Variants in ZMYM2 observed in about 807,000 individuals in gnomAD.
The protein encoded by ZMYM2 is zinc finger MYM-type protein 2.
Under a neutral mutation model 162.8 loss-of-function variants are expected in ZMYM2, and 56 were observed. That is an observed-to-expected ratio of 0.34 (90% CI 0.28 to 0.43). ZMYM2 has a LOEUF of 0.43. Among genes scored for constraint, ZMYM2 ranks in the 20% least tolerant of loss-of-function variants. The probability of loss-of-function intolerance (pLI) is 1.00; values close to 1 mark genes in which losing one functional copy is unlikely to be tolerated. For synonymous variants in ZMYM2, 510 were observed against 541.6 expected, an observed-to-expected ratio of 0.94 and a Z score of 0.81; for missense variants, 1,275 against 1,621.8, an observed-to-expected ratio of 0.79 and a Z score of 3.67.
chr13:19,978,862 C>G (rs1957032954), intron 2 of ZMYM2, among the ~76,000 whole-genome samples: 1 of 152,128 alleles, frequency 6.6e-6, no homozygotes, highest in African/African-American at 2.4e-5. Flanking sequence ...TTGAGTTACT[C>G]TTCAGTGTTT....
intron 12 of ZMYM2, among the ~76,000 whole-genome samples, chr13:20,039,011 TC>T (rs1953988679): frequency 6.6e-6 from 1 of 152,180 alleles, no homozygotes; most frequent in South Asian, 2.1e-4. Context: ...TTGGCTGTAT[TC>T]CCAGGCATTT....
intron 2 of ZMYM2, among the ~76,000 whole-genome samples, chr13:19,986,556 G>A (rs990650159): frequency 2.0e-5 from 3 of 151,842 alleles, no homozygotes; most frequent in African/African-American, 7.3e-5. Flanking sequence ...AAGTCCTTTA[G>A]TTACTTTTAA....
intron 21 of ZMYM2, among the ~76,000 whole-genome samples, chr13:20,075,168 A>G (rs1957397202): frequency 6.6e-6 from 1 of 152,218 alleles, no homozygotes; most frequent in Admixed American, 6.5e-5. Context: ...TATTTTTGGA[A>G]AAGTGTGCAT....
chr13:19,958,969 G>C (rs1342690056), intron 1 of ZMYM2, 128 bp downstream of exon 1: 6 of 151,978 alleles, frequency 3.9e-5, no homozygotes, highest in African/African-American at 1.5e-4. Flanking sequence ...GGTGAGGGCA[G>C]CCTCCGGAGC....
In ZMYM2 at chr13:20,030,188, A is replaced by T. The variant is rs550308435; in HGVS notation, c.1852-1131A>T. Among the ~76,000 whole-genome samples, 9 of 151,948 alleles carry T rather than the reference A, an allele frequency of 5.9e-5. 1 individual carries two copies. The highest frequency in any genetic ancestry group is 9.6e-5 in the African/African-American group (4 of 41,472). The stretch of plus-strand genomic sequence containing the variant: ...CTTTTTTCTCCTAACTTTGAAGAAG[A>T]AGTGATCAATTTTTAAATGTAACAT... On this transcript the variant is annotated intron_variant, in intron 9 of 24. Coordinates refer to ENST00000610343, the MANE Select transcript of ZMYM2 (RefSeq NM_197968.4).
intron 2 of ZMYM2, among the ~76,000 whole-genome samples, chr13:19,973,875 C>G (rs1956553719): frequency 6.6e-6 from 1 of 151,714 alleles, no homozygotes; most frequent in South Asian, 2.1e-4. Flanking sequence ...GTTGTTAGCT[C>G]ATCAGTTATC....
Position 20,006,583 on chromosome 13 carries a change from A to G in ZMYM2, c.1509A>G (p.Lys503=), listed in dbSNP as rs1260251351. The change falls in exon 6 of 25, where the codon AAA becomes AAG. Residue 503 remains lysine (K), a synonymous_variant. Transcript: ENST00000610343. ...FCCQSCVSEY[K]QVGSHPSFLK... ...GTCAAAGTTGTGTCAGTGAATACAA[A>G]CAGGTAATTCATGTTCTAATCAAAA... 9 of 1,613,690 alleles carry G rather than the reference A, an allele frequency of 5.6e-6. No individual in the cohort carries two copies. The highest frequency in any genetic ancestry group is 5.5e-5 in the South Asian group (5 of 90,988).
At chr13:19,995,203 C>G (rs1163413934) in intron 3 of ZMYM2, among the ~76,000 whole-genome samples, 1 of 151,872 alleles carries the variant, frequency 6.6e-6, no homozygotes, top group Non-Finnish European at 1.5e-5. Context: ...TGAAGAAAGC[C>G]AAACATATCA....
the ZMYM2 span, among the ~76,000 whole-genome samples, chr13:19,924,115 G>A: frequency 6.6e-6 from 1 of 152,128 alleles, no homozygotes; most frequent in Non-Finnish European, 1.5e-5. Flanking sequence ...TCGTATAGCA[G>A]ATCTTTAGAA....
chr13:19,873,651 C>G, the ZMYM2 span, among the ~76,000 whole-genome samples: 1 of 152,162 alleles, frequency 6.6e-6, no homozygotes, highest in Non-Finnish European at 1.5e-5. Flanking sequence ...TTGTGATCCA[C>G]CCACCTTGGC....
chr13:20,043,385 G>T (rs1266020031), intron 12 of ZMYM2, among the ~76,000 whole-genome samples: 2 of 152,180 alleles, frequency 1.3e-5, no homozygotes, highest in African/African-American at 4.8e-5. Context: ...CTGTGGTAGG[G>T]TGCTAGTTGG....
At chr13:19,869,046 C>T in the ZMYM2 span, among the ~76,000 whole-genome samples, 10 of 152,182 alleles carry the variant, frequency 6.6e-5, no homozygotes, top group East Asian at 3.9e-4. Flanking sequence ...CCACCGCACC[C>T]GGCCCATAAA....
chr13:19,892,429 G>A, the ZMYM2 span, among the ~76,000 whole-genome samples: 2 of 151,392 alleles, frequency 1.3e-5, no homozygotes, highest in East Asian at 2.0e-4. Context: ...CCACCGCCAC[G>A]CCCAGCTAAT....
chr13:19,927,838 A>G, the ZMYM2 span, among the ~76,000 whole-genome samples: 1 of 152,152 alleles, frequency 6.6e-6, no homozygotes, highest in African/African-American at 2.4e-5. Flanking sequence ...TCTCATCCTA[A>G]TGGGATTAAC....
chr13:20,005,574 C>T (rs1430619380), intron 5 of ZMYM2, among the ~76,000 whole-genome samples: 1 of 152,040 alleles, frequency 6.6e-6, no homozygotes, highest in Non-Finnish European at 1.5e-5. Flanking sequence ...AGCAGGCAGA[C>T]TACACAAGAA....
At chr13:19,885,716 C>T in the ZMYM2 span, among the ~76,000 whole-genome samples, 50 of 151,146 alleles carry the variant, frequency 3.3e-4, no homozygotes, top group African/African-American at 7.7e-4. Context: ...GACATGTTTT[C>T]GCTTGCTTTA....
chr13:20,061,174 C>T lies in ZMYM2; in HGVS notation c.2861C>T (p.Thr954Met), dbSNP rs760847190. 13 of 1,613,506 alleles carry T rather than the reference C, an allele frequency of 8.1e-6. No individual in the cohort carries two copies. Among genetic ancestry groups the T allele is most frequent in the South Asian group, 5.5e-5 (5 of 91,000 alleles). Residue 954 changes from threonine to methionine, a missense_variant, in exon 17 of 25, where the codon ACG (threonine) becomes ATG (methionine). Coordinates refer to ENST00000610343, the MANE Select transcript of ZMYM2 (RefSeq NM_197968.4). ...DALDTELLTMTDMMSEDEGKT... is the reference protein window; with the variant it reads ...DALDTELLTMMDMMSEDEGKT... ...CTTGATACAGAGTTGCTTACAATGA[C>T]GGATATGATGAGTGAAGACGAGGGG...
chr13:19,934,108 A>G, the ZMYM2 span, among the ~76,000 whole-genome samples: 1 of 151,996 alleles, frequency 6.6e-6, no homozygotes, highest in East Asian at 1.9e-4. Flanking sequence ...AATGTCATAC[A>G]TTTTACTTAT....
At chr13:20,049,135 T>C (rs1169457780) in intron 12 of ZMYM2, among the ~76,000 whole-genome samples, 4 of 151,950 alleles carry the variant, frequency 2.6e-5, no homozygotes, top group Non-Finnish European at 4.4e-5. Context: ...AAATTTTGAT[T>C]ATGGCATTAA....
Sources: allele counts gnomAD v4.1 joint callset (sites outside exome capture counted in the v4.1 genomes callset), GRCh38; gene constraint gnomAD v4.1.1; transcripts MANE v1.5; gene names NCBI Gene and HGNC (gene_info 2026-07-23, HGNC 2026-07-21).